The following PLCH1 variants were observed in gnomAD, a reference collection of about 807,000 sequenced individuals.
PLCH1 encodes the protein 1-phosphatidylinositol 4,5-bisphosphate phosphodiesterase eta-1.
In PLCH1, 60 loss-of-function variants were observed where a neutral mutation model predicts 126.7. The ratio of observed to expected loss-of-function variants is 0.47; its 90% CI spans 0.38 to 0.59. The LOEUF is 0.59. PLCH1 is among the 20% of genes least tolerant of loss of function. The probability of loss-of-function intolerance (pLI) is 0.00; values close to 1 mark genes in which losing one functional copy is unlikely to be tolerated. For missense variants in PLCH1, 1,723 were observed against 2,040.0 expected, an observed-to-expected ratio of 0.84 and a Z score of 2.99; for synonymous variants, 719 against 734.9, an observed-to-expected ratio of 0.98 and a Z score of 0.35.
chr3:155,594,139 TCA>T lies in PLCH1; in HGVS notation c.270_271del (p.Glu91AsnfsTer7). ...CCCCTCAGCTTGTCTGTGGAATATT[TCA>T]GACTGCCGGCCCTCAGTCACTTTGT... is the stretch of plus-strand genomic sequence containing the variant. On this transcript the variant is annotated frameshift_variant, in exon 4 of 23. Transcript: ENST00000460012. LOFTEE classifies it high-confidence loss of function. The T allele has an allele frequency of 6.2e-7, 1 of 1,614,056 alleles. No individual in the cohort carries two copies. The highest frequency in any genetic ancestry group is 1.1e-5 in the South Asian group (1 of 91,078).
rs35240379 is a variant in PLCH1 at position 155,479,948 on chromosome 3, C to CA, written c.*1019dup. The CA allele has an allele frequency of 0.11, 12,034 of 113,070 alleles. 568 individuals carry two copies. Among genetic ancestry groups the CA allele is most frequent in the Non-Finnish European group, 0.14 (7,248 of 52,666 alleles). 7.0% of individuals were successfully genotyped at this position (113,070 alleles called of 1,614,324 possible). The stretch of plus-strand genomic sequence containing the variant: ...AAGAACATCATTGCAGTTAATGTTA[C>CA]AAAAAAAAAAAACAAAGAGGGACAT... On this transcript the variant is annotated 3_prime_UTR_variant, in exon 23 of 23. Coordinates refer to ENST00000460012, the MANE Select transcript of PLCH1 (RefSeq NM_014996.4).
At chr3:155,681,172 T>C (rs558689783) in intron 2 of PLCH1, among the ~76,000 whole-genome samples, 114 of 152,290 alleles carry the variant, frequency 7.5e-4, no homozygotes, top group Non-Finnish European at 1.5e-3. Flanking sequence ...ATTTCTTTTA[T>C]ACTCAGAAAA....
chr3:155,579,122 T>C (rs1730344059), intron 6 of PLCH1, among the ~76,000 whole-genome samples: 1 of 152,228 alleles, frequency 6.6e-6, no homozygotes, highest in African/African-American at 2.4e-5. Context: ...TTCAGTGCCT[T>C]ATAAAGTCTC....
At chr3:155,539,466 T>C (rs977240616) in intron 10 of PLCH1, among the ~76,000 whole-genome samples, 1 of 152,182 alleles carries the variant, frequency 6.6e-6, no homozygotes. Context: ...AGTCAAATTG[T>C]TGCTGTTCGC....
intron 6 of PLCH1, among the ~76,000 whole-genome samples, chr3:155,576,883 G>T (rs1730035788): frequency 1.3e-5 from 2 of 152,066 alleles, no homozygotes; most frequent in Admixed American, 1.3e-4. Context: ...ATTTTCTTAG[G>T]ATGAATTATT....
At chr3:155,573,285 T>C (rs1373723705) in intron 6 of PLCH1, among the ~76,000 whole-genome samples, 2 of 152,226 alleles carry the variant, frequency 1.3e-5, no homozygotes, top group African/African-American at 4.8e-5. Flanking sequence ...AAGAGGGCTA[T>C]GGTTTTCACA....
chr3:155,541,836 A>ACG (rs1724286841), intron 10 of PLCH1, among the ~76,000 whole-genome samples: 1 of 151,842 alleles, frequency 6.6e-6, no homozygotes, highest in Non-Finnish European at 1.5e-5. Context: ...ACACACTCAC[A>ACG]CAAAATGCAG....
At position 155,639,770 on chromosome 3, in the gene PLCH1, T is replaced by C. The variant is rs540893372; in HGVS notation, c.80-43392A>G. ...TTGCATTTGTGTCCCTGACTAAATC[T>C]CATGTCAAATTATAATCCCTAGTGT... On this transcript the variant is annotated intron_variant, in intron 2 of 22. Coordinates refer to ENST00000460012, the MANE Select transcript of PLCH1 (RefSeq NM_014996.4). Among the ~76,000 whole-genome samples, 313 of 152,284 alleles carry C rather than the reference T, an allele frequency of 2.1e-3. 1 individual carries two copies. The highest frequency in any genetic ancestry group is 7.2e-3 in the African/African-American group (300 of 41,566).
intron 2 of PLCH1, among the ~76,000 whole-genome samples, chr3:155,640,021 T>C (rs1037643752): frequency 2.6e-5 from 4 of 152,386 alleles, no homozygotes; most frequent in Admixed American, 2.0e-4. Flanking sequence ...CCATGCTTTC[T>C]GTACAGCCTG....
intron 2 of PLCH1, among the ~76,000 whole-genome samples, chr3:155,681,663 C>T (rs114307029): frequency 6.6e-6 from 1 of 152,176 alleles, no homozygotes; most frequent in Non-Finnish European, 1.5e-5. Context: ...CACTCAACTA[C>T]AGAGGAAACC....
chr3:155,638,767 C>T (rs757945701), intron 2 of PLCH1, among the ~76,000 whole-genome samples: 1 of 152,148 alleles, frequency 6.6e-6, no homozygotes, highest in Non-Finnish European at 1.5e-5. Context: ...TGTTAGATTT[C>T]TATTTTTCTA....
At chr3:155,622,284 C>T (rs189477383) in intron 2 of PLCH1, among the ~76,000 whole-genome samples, 105 of 152,316 alleles carry the variant, frequency 6.9e-4, no homozygotes, top group African/African-American at 2.4e-3. Context: ...AAAAGAACAA[C>T]CAGTACCAGC....
At chr3:155,656,855 T>A (rs886350727) in intron 2 of PLCH1, among the ~76,000 whole-genome samples, 7 of 152,094 alleles carry the variant, frequency 4.6e-5, no homozygotes, top group African/African-American at 1.7e-4. Flanking sequence ...AATAAAATTA[T>A]AACTATTTTT....
At chr3:155,539,495 C>G (rs1328896865) in intron 10 of PLCH1, among the ~76,000 whole-genome samples, 1 of 152,060 alleles carries the variant, frequency 6.6e-6, no homozygotes, top group African/African-American at 2.4e-5. Flanking sequence ...TGGTTGTATA[C>G]CTAGAAAACC....
At chr3:155,685,961 T>C (rs779221955) in intron 2 of PLCH1, among the ~76,000 whole-genome samples, 10 of 152,184 alleles carry the variant, frequency 6.6e-5, no homozygotes, top group Admixed American at 6.5e-5. Context: ...CCAGGTTCAT[T>C]TCCCTGTAGA....
chr3:155,702,740 A>C (rs1288981078), intron 2 of PLCH1, among the ~76,000 whole-genome samples: 2 of 152,258 alleles, frequency 1.3e-5, no homozygotes, highest in African/African-American at 2.4e-5. Context: ...GCTTGAAAAA[A>C]TAAACCTAGT....
At chr3:155,726,005 T>C (rs764110553) in intron 1 of PLCH1, among the ~76,000 whole-genome samples, 1 of 152,234 alleles carries the variant, frequency 6.6e-6, no homozygotes, top group Non-Finnish European at 1.5e-5. Flanking sequence ...CATTTTAACA[T>C]GCATACTTTG....
intron 6 of PLCH1, among the ~76,000 whole-genome samples, chr3:155,578,336 ACTAT>A (rs1349488918): frequency 6.6e-6 from 1 of 152,240 alleles, no homozygotes; most frequent in African/African-American, 2.4e-5. Context: ...TGCTAATAAC[ACTAT>A]CTGTTTAATT....
intron 21 of PLCH1, among the ~76,000 whole-genome samples, chr3:155,471,671 T>G (rs1209753877): frequency 1.4e-5 from 2 of 147,178 alleles, no homozygotes; most frequent in African/African-American, 2.5e-5. Context: ...GACCACATAC[T>G]TGGAAGTAAA....
Sources: allele counts gnomAD v4.1 joint callset (sites outside exome capture counted in the v4.1 genomes callset), GRCh38; gene constraint gnomAD v4.1.1; transcripts MANE v1.5; gene names NCBI Gene and HGNC (gene_info 2026-07-23, HGNC 2026-07-21).